Variants in GPC5 observed in about 807,000 individuals in gnomAD.
GPC5 encodes glypican 5.
GPC5 carries 47 observed loss-of-function variants against 53.9 expected under a neutral mutation model. The ratio of observed to expected loss-of-function variants is 0.87; its 90% CI spans 0.69 to 1.11. GPC5 has a LOEUF of 1.11. Among genes scored for constraint, GPC5 ranks in the 50% most tolerant of loss-of-function variants. The pLI is 0.00. For missense variants in GPC5, 748 were observed against 713.1 expected, an observed-to-expected ratio of 1.05 and a Z score of -0.56; for synonymous variants, 286 against 263.3, an observed-to-expected ratio of 1.09 and a Z score of -0.84.
intron 7 of GPC5, among the ~76,000 whole-genome samples, chr13:92,418,187 T>C (rs1295226734): frequency 6.6e-6 from 1 of 152,172 alleles, no homozygotes. Flanking sequence ...TGACTGCTAA[T>C]GGGCATGGGA....
chr13:92,009,954 A>G (rs1054766556), intron 6 of GPC5, among the ~76,000 whole-genome samples: 7 of 152,214 alleles, frequency 4.6e-5, no homozygotes, highest in Non-Finnish European at 8.8e-5. Context: ...ACTCATCTTG[A>G]GAAGTGGAAT....
At chr13:92,373,431 A>T (rs1338499898) in intron 7 of GPC5, among the ~76,000 whole-genome samples, 2 of 152,170 alleles carry the variant, frequency 1.3e-5, no homozygotes, top group African/African-American at 2.4e-5. Flanking sequence ...GAACCAACTG[A>T]AGCCAGTAAA....
At chr13:91,977,515 T>C (rs967755948) in intron 6 of GPC5, among the ~76,000 whole-genome samples, 2 of 152,188 alleles carry the variant, frequency 1.3e-5, no homozygotes, top group African/African-American at 4.8e-5. Context: ...CACTCAACAG[T>C]AACAGAATAC....
intron 7 of GPC5, among the ~76,000 whole-genome samples, chr13:92,836,988 G>T (rs977804490): frequency 6.6e-6 from 1 of 151,806 alleles, no homozygotes; most frequent in Non-Finnish European, 1.5e-5. Context: ...ATATTAAAAG[G>T]ATTCATGAAG....
chr13:91,881,750 T>C (rs2039265941), intron 5 of GPC5, among the ~76,000 whole-genome samples: 1 of 152,194 alleles, frequency 6.6e-6, no homozygotes, highest in Admixed American at 6.5e-5. Flanking sequence ...ATGTAGGTTG[T>C]AGCAGGAATA....
chr13:92,614,667 G>A (rs1471766807), intron 7 of GPC5, among the ~76,000 whole-genome samples: 1 of 152,132 alleles, frequency 6.6e-6, no homozygotes, highest in Non-Finnish European at 1.5e-5. Flanking sequence ...GGGGCCTCTG[G>A]ATTCAATGTC....
At chr13:91,586,828 C>A (rs889424404) in intron 2 of GPC5, among the ~76,000 whole-genome samples, 2 of 151,308 alleles carry the variant, frequency 1.3e-5, no homozygotes, top group African/African-American at 4.9e-5. Context: ...AGTTCTTTAA[C>A]TTTTGATTAG....
intron 2 of GPC5, 47 bp downstream of exon 2, chr13:91,448,969 A>G: frequency 6.3e-7 from 1 of 1,586,124 alleles, no homozygotes. Context: ...CGTGTTATGT[A>G]ATTTGCCTAA....
At chr13:91,683,050 G>C (rs942688060) in intron 2 of GPC5, among the ~76,000 whole-genome samples, 5 of 151,832 alleles carry the variant, frequency 3.3e-5, no homozygotes, top group African/African-American at 1.2e-4. Flanking sequence ...AAAAAAAAAA[G>C]GTCTTTGCAT....
At chr13:92,146,970 G>A (rs2041871769) in intron 7 of GPC5, among the ~76,000 whole-genome samples, 1 of 151,918 alleles carries the variant, frequency 6.6e-6, no homozygotes, top group Non-Finnish European at 1.5e-5. Flanking sequence ...GTTTGAAAGT[G>A]GAATAACTCT....
Position 91,571,893 on chromosome 13 carries a change from A to G in GPC5, c.326-121294A>G, listed in dbSNP as rs1423830602. ...TATATATACACACATATACGTGTGT[A>G]TATACACATATTGTATATATACACA... On this transcript the variant is annotated intron_variant, in intron 2 of 7. Transcript: ENST00000377067. 9.0e-3 allele frequency among the ~76,000 whole-genome samples: 486 copies of G among 54,290 alleles called. 32 individuals carry two copies. The highest frequency in any genetic ancestry group is 0.038 in the South Asian group (64 of 1,698). 35.6% of individuals were successfully genotyped at this position (54,290 alleles called of 152,430 possible).
At chr13:92,183,887 A>G (rs1380836582) in intron 7 of GPC5, among the ~76,000 whole-genome samples, 1 of 152,080 alleles carries the variant, frequency 6.6e-6, no homozygotes, top group Non-Finnish European at 1.5e-5. Context: ...CTTAATAAAT[A>G]TCATTTAGTT....
intron 7 of GPC5, among the ~76,000 whole-genome samples, chr13:92,270,594 T>C (rs1379420507): frequency 6.6e-6 from 1 of 152,202 alleles, no homozygotes; most frequent in Non-Finnish European, 1.5e-5. Flanking sequence ...TTTATACCAA[T>C]GCAAGAACAG....
chr13:92,782,629 A>T (rs921076143), intron 7 of GPC5, among the ~76,000 whole-genome samples: 6 of 152,172 alleles, frequency 3.9e-5, no homozygotes, highest in Non-Finnish European at 7.3e-5. Context: ...CTAAATTATA[A>T]GCTCATTATT....
chr13:91,991,819 ATAGT>A (rs1457220227), intron 6 of GPC5, among the ~76,000 whole-genome samples: 1 of 151,706 alleles, frequency 6.6e-6, no homozygotes, highest in Non-Finnish European at 1.5e-5. Context: ...ACTTAACAAG[ATAGT>A]TAATTTCTCT....
At chr13:92,634,884 G>T (rs1337124181) in intron 7 of GPC5, among the ~76,000 whole-genome samples, 2 of 151,748 alleles carry the variant, frequency 1.3e-5, no homozygotes, top group Non-Finnish European at 2.9e-5. Context: ...TCCTTATAAT[G>T]CTTTCTTAAT....
intron 1 of GPC5, among the ~76,000 whole-genome samples, chr13:91,401,928 C>T (rs953261123): frequency 8.7e-5 from 13 of 148,996 alleles, no homozygotes; most frequent in African/African-American, 2.9e-4. Context: ...CCCTGTGTTC[C>T]GATTTTATTT....
chr13:91,545,885 C>T (rs1889882), intron 2 of GPC5, among the ~76,000 whole-genome samples: 116,128 of 152,028 alleles, frequency 0.76, 45,115 homozygotes, highest in East Asian at 1. Flanking sequence ...CCTATATGTT[C>T]AATGACTATT....
intron 2 of GPC5, among the ~76,000 whole-genome samples, chr13:91,543,803 C>CT (rs1348897723): frequency 6.6e-6 from 1 of 152,140 alleles, no homozygotes; most frequent in Non-Finnish European, 1.5e-5. Flanking sequence ...GATAGAGACT[C>CT]TTGGCAAATT....
Sources: gnomAD v4.1 joint callset for allele counts (sites outside exome capture counted in the v4.1 genomes callset) on GRCh38, gnomAD v4.1.1 for gene constraint, MANE v1.5 for transcripts, NCBI Gene and HGNC (gene_info 2026-07-23, HGNC 2026-07-21) for gene names.